CACNB2: variants seen among roughly 807,000 people sequenced by gnomAD.
The protein encoded by CACNB2 is calcium voltage-gated channel auxiliary subunit beta 2.
A neutral mutation model predicts 73.3 loss-of-function variants in CACNB2; 42 were observed. That is an observed-to-expected ratio of 0.57 (90% CI 0.45 to 0.74). The LOEUF is 0.74. Ranked by LOEUF, CACNB2 falls within the 30% of genes least tolerant of loss-of-function variation. The probability of loss-of-function intolerance (pLI) is 0.00; values close to 1 mark genes in which losing one functional copy is unlikely to be tolerated. For missense variants in CACNB2, 940 were observed against 853.0 expected (o/e 1.10, Z -1.27); for synonymous variants, 348 against 310.3 (o/e 1.12, Z -1.28).
Position 18,358,531 on chromosome 10 carries a change from TCTCTCTCTCTCTCTCTCTCTCG to T in CACNB2, c.214-43374_214-43353del, listed in dbSNP as rs1485217959. On this transcript the variant is annotated intron_variant, in intron 2 of 13. Transcript: ENST00000324631. ...CTCTCTCTCTCTCTCTCTCTCTCTC[TCTCTCTCTCTCTCTCTCTCTCG>T]CTCTCTCTCTCTCTCTCTGGAACTG... Among the ~76,000 whole-genome samples, 243 of 34,770 alleles carry T rather than the reference TCTCTCTCTCTCTCTCTCTCTCG, an allele frequency of 7.0e-3. 3 individuals are homozygous for T. The highest frequency in any genetic ancestry group is 9.9e-3 in the Non-Finnish European group (120 of 12,172). 22.8% of individuals were successfully genotyped at this position (34,770 alleles called of 152,430 possible). A position where few individuals can be genotyped will look rare whatever the true frequency, so the allele number is the denominator to read the frequency against.
chr10:18,252,862 G>C (rs2037142823), intron 2 of CACNB2, among the ~76,000 whole-genome samples: 1 of 152,216 alleles, frequency 6.6e-6, no homozygotes, highest in Non-Finnish European at 1.5e-5. Context: ...ACCTCTGAAA[G>C]GTAGGCAGGT....
At chr10:18,445,254 A>C (rs2046674900) in intron 3 of CACNB2, among the ~76,000 whole-genome samples, 1 of 152,206 alleles carries the variant, frequency 6.6e-6, no homozygotes, top group South Asian at 2.1e-4. Context: ...AGCAGCTGGC[A>C]CCCTGAGAAC....
At chr10:18,392,543 T>G (rs1411471869) in intron 2 of CACNB2, among the ~76,000 whole-genome samples, 1 of 152,082 alleles carries the variant, frequency 6.6e-6, no homozygotes, top group Non-Finnish European at 1.5e-5. Context: ...TATGCATTAT[T>G]TTTTCTGCAA....
chr10:18,457,350 A>G (rs1327596842), intron 3 of CACNB2, among the ~76,000 whole-genome samples: 5 of 152,154 alleles, frequency 3.3e-5, no homozygotes, highest in Admixed American at 2.6e-4. Flanking sequence ...TTAGCCTCCC[A>G]AAGTGCTGGA....
At chr10:18,289,274 T>TTTTTTTG (rs2038945710) in intron 2 of CACNB2, among the ~76,000 whole-genome samples, 2 of 145,760 alleles carry the variant, frequency 1.4e-5, no homozygotes, top group African/African-American at 5.3e-5. Flanking sequence ...TGTCTTCATT[T>TTTTTTTG]TTTTTTCTTG....
In CACNB2 at chr10:18,171,934, A is replaced by C. The variant is rs187012294; in HGVS notation, c.213+20959A>C. Among the ~76,000 whole-genome samples the C allele has an allele frequency of 1.7e-3, 257 of 152,236 alleles. 1 individual carries two copies. The highest frequency in any genetic ancestry group is 1.4e-3 in the Non-Finnish European group (94 of 68,018). ...GCAGAGCAAAAGCTGACATTTCATA[A>C]ATACTCTGTTTCTTCTCTGTGGAGC... On this transcript the variant is annotated intron_variant, in intron 2 of 13. Transcript: ENST00000324631.
rs992393946 is a variant in CACNB2 at position 18,290,112 on chromosome 10, C to CTTTTTTTTTTTTTTTTTTTTTTTTTTT, written c.214-111811_214-111785dup. On this transcript the variant is annotated intron_variant, in intron 2 of 13. Transcript: ENST00000324631. The stretch of plus-strand genomic sequence containing the variant: ...TAAAGTTTTTTTCTTTTTTCTTTTT[C>CTTTTTTTTTTTTTTTTTTTTTTTTTTT]TTTTTTTTTTTTTTTTTTTTTTTTT... Among the ~76,000 whole-genome samples, 2 of 50,146 alleles carry CTTTTTTTTTTTTTTTTTTTTTTTTTTT rather than the reference C, an allele frequency of 4.0e-5. 1 individual carries two copies. Among genetic ancestry groups the CTTTTTTTTTTTTTTTTTTTTTTTTTTT allele is most frequent in the East Asian group, 1.3e-3 (2 of 1,522 alleles). 32.9% of individuals were successfully genotyped at this position (50,146 alleles called of 152,430 possible).
intron 2 of CACNB2, among the ~76,000 whole-genome samples, chr10:18,270,889 G>T (rs1588899912): frequency 6.6e-6 from 1 of 152,136 alleles, no homozygotes; most frequent in African/African-American, 2.4e-5. Context: ...AAGACGTAAT[G>T]GTTGAATACA....
rs35402411 is a variant in CACNB2 at position 18,540,293 on chromosome 10, A to ATGT, written c.*571_*573dup. The ATGT allele has an allele frequency of 0.17, 25,538 of 151,854 alleles. 2,268 individuals are homozygous for ATGT. Among genetic ancestry groups the ATGT allele is most frequent in the Admixed American group, 0.22 (3,270 of 15,166 alleles). The allele number at this position is 151,854 out of a possible 1,614,324, so 9.4% of individuals were successfully genotyped here. ...TGTGTACTGTATAGACAGTTTGTAAATGTTATTTCTGCAAACAAACACCTT... is the reference window on the plus strand; with the variant it reads ...TGTGTACTGTATAGACAGTTTGTAAATGTTGTTATTTCTGCAAACAAACACCTT... On this transcript the variant is annotated 3_prime_UTR_variant, in exon 14 of 14. Coordinates refer to ENST00000324631, the MANE Select transcript of CACNB2 (RefSeq NM_201596.3).
chr10:18,340,730 A>AG, intron 2 of CACNB2: 16 of 1,461,624 alleles, frequency 1.1e-5, no homozygotes, highest in Non-Finnish European at 1.3e-5. Context: ...TCTGGAACAG[A>AG]GAGCTGTTGT....
chr10:18,377,592 C>T (rs1357894599), intron 2 of CACNB2, among the ~76,000 whole-genome samples: 1 of 152,158 alleles, frequency 6.6e-6, no homozygotes, highest in Non-Finnish European at 1.5e-5. Flanking sequence ...TGTTCTTCTT[C>T]TTTTGATTGA....
chr10:18,315,683 G>C (rs1255715239), intron 2 of CACNB2, among the ~76,000 whole-genome samples: 2 of 151,922 alleles, frequency 1.3e-5, no homozygotes, highest in African/African-American at 4.8e-5. Flanking sequence ...GCTAGAGTAG[G>C]ATCCTGTCCC....
At position 18,246,245 on chromosome 10, in the gene CACNB2, A is replaced by G. The variant is rs112319543; in HGVS notation, c.213+95270A>G. On this transcript the variant is annotated intron_variant, in intron 2 of 13. Coordinates refer to ENST00000324631, the MANE Select transcript of CACNB2 (RefSeq NM_201596.3). ...TCCTGTGTGCTAAATTGGTACAAAA[A>G]TATTATCTTGAAGGATGGTTACAAT... is the stretch of plus-strand genomic sequence containing the variant. Among the ~76,000 whole-genome samples, 240 of 152,280 alleles carry G rather than the reference A, an allele frequency of 1.6e-3. 3 individuals are homozygous for G. The highest frequency in any genetic ancestry group is 5.1e-3 in the African/African-American group (213 of 41,544).
At chr10:18,349,899 C>T (rs566493160) in intron 2 of CACNB2, among the ~76,000 whole-genome samples, 56 of 152,208 alleles carry the variant, frequency 3.7e-4, no homozygotes, top group African/African-American at 1.1e-3. Context: ...ACCTGTATTG[C>T]GCACGTATGT....
At chr10:18,370,890 T>C (rs941007372) in intron 2 of CACNB2, among the ~76,000 whole-genome samples, 13 of 152,356 alleles carry the variant, frequency 8.5e-5, no homozygotes, top group African/African-American at 2.9e-4. Context: ...TATATCTCGA[T>C]ATGTAAATAT....
At chr10:18,529,488 G>A (rs1258811872) in intron 10 of CACNB2, among the ~76,000 whole-genome samples, 2 of 152,206 alleles carry the variant, frequency 1.3e-5, no homozygotes, top group Non-Finnish European at 2.9e-5. Context: ...AGCTGTTGCT[G>A]CAGGAGGCAC....
chr10:18,418,237 G>C (rs1273153956), intron 3 of CACNB2, among the ~76,000 whole-genome samples: 1 of 152,296 alleles, frequency 6.6e-6, no homozygotes, highest in East Asian at 1.9e-4. Context: ...ACTATGCTCA[G>C]CTAATTTTTG....
intron 2 of CACNB2, among the ~76,000 whole-genome samples, chr10:18,395,321 T>C (rs569326942): frequency 6.6e-6 from 1 of 152,210 alleles, no homozygotes; most frequent in South Asian, 2.1e-4. Context: ...CGTTTAGATT[T>C]CAGCTTAGTG....
At chr10:18,179,165 T>C (rs73593775) in intron 2 of CACNB2, among the ~76,000 whole-genome samples, 4,626 of 152,312 alleles carry the variant, frequency 0.03, 170 homozygotes, top group African/African-American at 0.085. Flanking sequence ...CTTTAATTTT[T>C]TTCTACTTTT....
Sources: gnomAD v4.1 joint callset for allele counts (sites outside exome capture counted in the v4.1 genomes callset) on GRCh38, gnomAD v4.1.1 for gene constraint, MANE v1.5 for transcripts, NCBI Gene and HGNC (gene_info 2026-07-23, HGNC 2026-07-21) for gene names.